TSPEAR: variants seen among roughly 807,000 people sequenced by gnomAD.
TSPEAR encodes the protein thrombospondin type laminin G domain and EAR repeats.
TSPEAR carries 69 observed loss-of-function variants against 71.6 expected under a neutral mutation model. The observed-to-expected ratio is 0.96, with a 90% CI of 0.79 to 1.18. TSPEAR has a LOEUF of 1.18. TSPEAR is among the 50% of genes most tolerant of loss of function. The pLI, the probability that TSPEAR is intolerant of heterozygous loss-of-function variation, is 0.00. For missense variants in TSPEAR, 971 were observed against 894.9 expected (o/e 1.09, Z -1.09); for synonymous variants, 402 against 387.2 (o/e 1.04, Z -0.45).
intron 1 of TSPEAR, among the ~76,000 whole-genome samples, chr21:44,626,400 T>C (rs1182243731): frequency 6.6e-6 from 1 of 152,202 alleles, no homozygotes; most frequent in Non-Finnish European, 1.5e-5. Context: ...ATGCTTGCAG[T>C]GCAGGGCACA....
At chr21:44,532,715 C>G (rs587738826) in intron 3 of TSPEAR, among the ~76,000 whole-genome samples, 24 of 152,264 alleles carry the variant, frequency 1.6e-4, no homozygotes, top group African/African-American at 5.5e-4. Context: ...AGTGGTAGAT[C>G]CTGACATGGG....
intron 1 of TSPEAR, among the ~76,000 whole-genome samples, chr21:44,630,751 C>T (rs914348234): frequency 6.6e-6 from 1 of 152,096 alleles, no homozygotes; most frequent in South Asian, 2.1e-4. Context: ...GACCAACACA[C>T]AGAGTCCAGC....
rs1555913691 is a variant in TSPEAR, at chr21:44,517,864, G to A, written c.1566+4019C>T. ...ACTTTCCTTTGCTCTCGCGCTCCTT[G>A]GGCTCAGCGCCCTTTCAGTCTGATG... On this transcript the variant is annotated intron_variant, in intron 9 of 11. Coordinates refer to ENST00000323084, the MANE Select transcript of TSPEAR (RefSeq NM_144991.3). 6.4e-6 allele frequency: 3 copies of A among 471,190 alleles called. No individual in the cohort carries two copies. In the East Asian group the frequency reaches 2.1e-4, roughly 33 times the overall value. The allele number at this position is 471,190 out of a possible 1,614,324, so 29.2% of individuals were successfully genotyped here.
chr21:44,514,361 C>T (rs193243850), intron 9 of TSPEAR, among the ~76,000 whole-genome samples: 25 of 152,246 alleles, frequency 1.6e-4, no homozygotes, highest in South Asian at 8.3e-4. Context: ...GCCATGGAAG[C>T]GAGTACACAC....
intron 4 of TSPEAR, 92 bp downstream of exon 4, chr21:44,530,951 A>G (rs976614041): frequency 4.9e-6 from 5 of 1,021,826 alleles, no homozygotes; most frequent in African/African-American, 1.6e-5. Context: ...TAGCACGTCC[A>G]AGGATCTGTC....
intron 2 of TSPEAR, chr21:44,539,672 G>A: frequency 6.3e-7 from 1 of 1,595,576 alleles, no homozygotes; most frequent in Non-Finnish European, 8.5e-7. Flanking sequence ...GCATGAAGAG[G>A]AATCCTCAGA....
At chr21:44,508,965 C>T in intron 10 of TSPEAR, 1 of 1,536,928 alleles carries the variant, frequency 6.5e-7, no homozygotes, top group Non-Finnish European at 8.8e-7. Flanking sequence ...CCGCACACAG[C>T]ACCCGGCTCT....
rs112962948 is a variant in TSPEAR at position 44,702,491 on chromosome 21, C to A, written c.82+8942G>T. 7.1e-4 allele frequency: 1,150 copies of A among 1,608,724 alleles called. 6 individuals are homozygous for A. In the African/African-American group the frequency reaches 0.014, roughly 19 times the overall value. ...TGCTGTGTGCCCGTCTGCTGCAAGC[C>A]TGTCTGTTGCAAGCCCGTCTGCTGT... On this transcript the variant is annotated intron_variant, in intron 1 of 11. Coordinates refer to ENST00000323084, the MANE Select transcript of TSPEAR (RefSeq NM_144991.3).
At chr21:44,663,887 GA>G (rs1985621240) in intron 1 of TSPEAR, among the ~76,000 whole-genome samples, 1 of 152,044 alleles carries the variant, frequency 6.6e-6, no homozygotes, top group African/African-American at 2.4e-5. Context: ...AATAGATTCA[GA>G]AAAGGCTTTT....
At chr21:44,504,133 C>T (rs587714501) in intron 11 of TSPEAR, among the ~76,000 whole-genome samples, 4 of 134,926 alleles carry the variant, frequency 3.0e-5, no homozygotes, top group African/African-American at 8.7e-5. Context: ...AAGCCGGCCT[C>T]AGTGAGCCCA....
chr21:44,688,823 C>T (rs538655180), intron 1 of TSPEAR, among the ~76,000 whole-genome samples: 10 of 152,248 alleles, frequency 6.6e-5, no homozygotes, highest in Admixed American at 2.0e-4. Flanking sequence ...GCAAGCCCAG[C>T]GGAAGGGGAG....
Position 44,710,413 on chromosome 21 carries a change from A to AC in TSPEAR, c.82+1019dup, listed in dbSNP as rs1569273755. Among the ~76,000 whole-genome samples the AC allele has an allele frequency of 8.1e-6, 1 of 122,798 alleles. No individual in the cohort carries two copies. Among genetic ancestry groups the AC allele is most frequent in the Non-Finnish European group, 1.6e-5 (1 of 63,782 alleles). 80.6% of individuals were successfully genotyped at this position (122,798 alleles called of 152,430 possible). A position where few individuals can be genotyped will look rare whatever the true frequency, so the allele number is the denominator to read the frequency against. On this transcript the variant is annotated intron_variant, in intron 1 of 11. Transcript: ENST00000323084. This position sits in a 1 kb window ranked among gnomAD's most constrained non-coding sequence, Gnocchi z 4.6. ...CCCTGGGTGGGCAGGCACGTTTATG[A>AC]CCCCCACCCCCACCCCCACCCCCCA...
rs1555952318 is a variant in TSPEAR, at chr21:44,706,285, G to C, written c.82+5148C>G. Among the ~76,000 whole-genome samples, 4 of 152,216 alleles carry C rather than the reference G, an allele frequency of 2.6e-5. No individual in the cohort carries two copies. The South Asian group carries it at 6.2e-4, about 24-fold the overall frequency. On this transcript the variant is annotated intron_variant, in intron 1 of 11. Transcript: ENST00000323084. ...GTGGCTGCGTCCCGGGTTCTTCCGC[G>C]CAGCTGTGTGTACACGCATGCACAC...
chr21:44,669,747 G>A (rs995671516), intron 1 of TSPEAR, among the ~76,000 whole-genome samples: 14 of 152,164 alleles, frequency 9.2e-5, no homozygotes, highest in African/African-American at 3.4e-4. Flanking sequence ...GTGCCTTGTT[G>A]GGATGAACAT....
intron 2 of TSPEAR, among the ~76,000 whole-genome samples, chr21:44,561,039 C>G (rs1051642241): frequency 6.6e-6 from 1 of 152,060 alleles, no homozygotes; most frequent in South Asian, 2.1e-4. Context: ...ATCAATGAAT[C>G]CAGGAGCTGG....
At chr21:44,591,261 T>C (rs994605968) in intron 1 of TSPEAR, 4 of 1,464,042 alleles carry the variant, frequency 2.7e-6, no homozygotes, top group Admixed American at 5.3e-5. Flanking sequence ...GGGAGCATCC[T>C]GGTCCCTAAG....
At chr21:44,683,638 CAG>C (rs1488710562) in intron 1 of TSPEAR, among the ~76,000 whole-genome samples, 1 of 152,074 alleles carries the variant, frequency 6.6e-6, no homozygotes, top group Non-Finnish European at 1.5e-5. Context: ...CACTGCATTC[CAG>C]CCAGGGCAAC....
intron 2 of TSPEAR, among the ~76,000 whole-genome samples, chr21:44,557,525 G>T (rs587637575): frequency 6.6e-6 from 1 of 152,222 alleles, no homozygotes; most frequent in African/African-American, 2.4e-5. Flanking sequence ...GAAGGAGAGA[G>T]GGGGAGGAGC....
intron 1 of TSPEAR, among the ~76,000 whole-genome samples, chr21:44,683,320 A>G (rs754879113): frequency 6.6e-6 from 1 of 152,166 alleles, no homozygotes; most frequent in Non-Finnish European, 1.5e-5. Flanking sequence ...GAAACATGAT[A>G]CAGCTCAGAG....
Sources: allele counts gnomAD v4.1 joint callset (sites outside exome capture counted in the v4.1 genomes callset), GRCh38; gene constraint gnomAD v4.1.1; non-coding constraint Gnocchi (gnomAD v3.1); transcripts MANE v1.5; gene names NCBI Gene and HGNC (gene_info 2026-07-23, HGNC 2026-07-21).